SOX5: variants seen among roughly 807,000 people sequenced by gnomAD.
The protein encoded by SOX5 is transcription factor SOX-5.
Under a neutral mutation model 92.0 loss-of-function variants are expected in SOX5, and 9 were observed. The ratio of observed to expected loss-of-function variants is 0.10; its 90% CI spans 0.06 to 0.17. The LOEUF (loss-of-function observed/expected upper bound fraction) is 0.17. SOX5 is among the 10% of genes least tolerant of loss of function. The pLI is 1.00. For missense variants in SOX5, 642 were observed against 944.5 expected, an observed-to-expected ratio of 0.68 and a Z score of 4.20; for synonymous variants, 344 against 336.3, an observed-to-expected ratio of 1.02 and a Z score of -0.25.
At chr12:24,428,596 A>T (rs766428982) in intron 1 of SOX5, among the ~76,000 whole-genome samples, 9 of 151,796 alleles carry the variant, frequency 5.9e-5, no homozygotes, top group African/African-American at 2.2e-4. Context: ...ACAGAGTGAG[A>T]CCCTGTCTCC....
intron 4 of SOX5, among the ~76,000 whole-genome samples, chr12:24,038,103 A>G (rs1433383699): frequency 6.6e-6 from 1 of 152,210 alleles, no homozygotes; most frequent in East Asian, 1.9e-4. Context: ...TAAATCGTAC[A>G]GTTTCTAGAC....
intron 6 of SOX5, among the ~76,000 whole-genome samples, chr12:23,732,475 T>A (rs2093429015): frequency 1.5e-5 from 1 of 67,842 alleles, no homozygotes; most frequent in Non-Finnish European, 3.6e-5. Context: ...CTGGAAGCTG[T>A]GAAAATGAAT....
chr12:23,724,924 G>A (rs543490255), intron 6 of SOX5, among the ~76,000 whole-genome samples: 2 of 152,306 alleles, frequency 1.3e-5, no homozygotes, highest in East Asian at 3.9e-4. Context: ...AGGAAGTAGG[G>A]TGACCAACAT....
intron 3 of SOX5, among the ~76,000 whole-genome samples, chr12:24,242,752 T>C (rs901844998): frequency 2.6e-5 from 4 of 152,142 alleles, no homozygotes; most frequent in Non-Finnish European, 5.9e-5. Context: ...CAGATCCTCA[T>C]GTATAGTTAG....
At chr12:23,638,898 A>C (rs1390078928) in intron 8 of SOX5, among the ~76,000 whole-genome samples, 3 of 152,212 alleles carry the variant, frequency 2.0e-5, no homozygotes, top group Admixed American at 6.5e-5. Flanking sequence ...AAAAAAAAAA[A>C]AAACAACTTT....
At chr12:24,390,806 A>G (rs530478106) in intron 1 of SOX5, among the ~76,000 whole-genome samples, 1 of 152,246 alleles carries the variant, frequency 6.6e-6, no homozygotes, top group East Asian at 1.9e-4. Context: ...GTGTGTGTAT[A>G]TAAACCACAT....
At chr12:24,017,346 C>T (rs1409942787) in intron 4 of SOX5, among the ~76,000 whole-genome samples, 3 of 152,262 alleles carry the variant, frequency 2.0e-5, no homozygotes, top group African/African-American at 7.2e-5. Context: ...TGCCTGTAAT[C>T]TCAGCACTTT....
intron 2 of SOX5, among the ~76,000 whole-genome samples, chr12:24,346,040 C>G (rs1406703150): frequency 6.6e-6 from 1 of 152,228 alleles, no homozygotes; most frequent in Non-Finnish European, 1.5e-5. Flanking sequence ...TACACTTATA[C>G]TTCATCAACA....
intron 1 of SOX5, among the ~76,000 whole-genome samples, chr12:24,433,981 A>G (rs1169028803): frequency 6.6e-6 from 1 of 152,182 alleles, no homozygotes; most frequent in Non-Finnish European, 1.5e-5. Flanking sequence ...AAAAAGGCCA[A>G]TGGCATTGCC....
rs887631795 is a variant in SOX5 at position 23,530,645 on chromosome 12, T to G, written c.*3574A>C. 6.6e-6 allele frequency: 1 copy of G among 152,198 alleles called. No individual in the cohort carries two copies. Among genetic ancestry groups the G allele is most frequent in the African/African-American group, 2.4e-5 (1 of 41,440 alleles). The allele number at this position is 152,198 out of a possible 1,614,324, so 9.4% of individuals were successfully genotyped here. The stretch of plus-strand genomic sequence containing the variant: ...TATCCAATTGTGGTAAGTTAATCAC[T>G]AACTTATTATTAGTAACTATAAATG... On this transcript the variant is annotated 3_prime_UTR_variant, in exon 15 of 15. Transcript: ENST00000451604.
At chr12:23,748,734 G>A (rs576610960) in intron 4 of SOX5, among the ~76,000 whole-genome samples, 141 of 152,076 alleles carry the variant, frequency 9.3e-4, no homozygotes, top group African/African-American at 3.3e-3. Flanking sequence ...GACTACTAGT[G>A]TTACAATTTG....
At chr12:24,144,985 G>A (rs1024016081) in intron 4 of SOX5, among the ~76,000 whole-genome samples, 4 of 152,004 alleles carry the variant, frequency 2.6e-5, no homozygotes, top group African/African-American at 9.7e-5. Context: ...CAAGCTGCTT[G>A]GGAGGTGGAG....
At chr12:24,384,788 T>G (rs115183302) in intron 1 of SOX5, among the ~76,000 whole-genome samples, 1 of 152,168 alleles carries the variant, frequency 6.6e-6, no homozygotes, top group Admixed American at 6.5e-5. Flanking sequence ...CCTCAAAGTA[T>G]TGAGCTTAAA....
At chr12:23,911,657 G>T (rs1164867038) in intron 1 of SOX5, among the ~76,000 whole-genome samples, 3 of 152,066 alleles carry the variant, frequency 2.0e-5, no homozygotes, top group Admixed American at 2.0e-4. Context: ...ATGTGAGAGA[G>T]ACCTAAAGAT....
chr12:24,427,569 T>G (rs189977189), intron 1 of SOX5, among the ~76,000 whole-genome samples: 2 of 152,356 alleles, frequency 1.3e-5, no homozygotes, highest in African/African-American at 4.8e-5. Context: ...CTGTTTCTAT[T>G]CAGCATATGT....
chr12:24,034,434 G>A (rs1031165764), intron 4 of SOX5, among the ~76,000 whole-genome samples: 4 of 152,026 alleles, frequency 2.6e-5, no homozygotes, highest in African/African-American at 7.2e-5. Flanking sequence ...AATTAGTTCC[G>A]ACTGCCGTGC....
intron 6 of SOX5, among the ~76,000 whole-genome samples, chr12:23,669,358 G>GA (rs950265647): frequency 3.9e-5 from 6 of 151,946 alleles, no homozygotes; most frequent in Non-Finnish European, 7.4e-5. Flanking sequence ...ACAGGGGCAA[G>GA]AAAAAAACAT....
intron 2 of SOX5, among the ~76,000 whole-genome samples, chr12:23,867,405 G>A (rs1480623382): frequency 2.0e-5 from 3 of 152,018 alleles, no homozygotes; most frequent in Non-Finnish European, 4.4e-5. Context: ...TTTGATCTTA[G>A]GCAAGTCTCT....
At chr12:24,211,807 G>A (rs146666482) in intron 4 of SOX5, among the ~76,000 whole-genome samples, 3 of 152,290 alleles carry the variant, frequency 2.0e-5, no homozygotes, top group African/African-American at 7.2e-5. Context: ...AGACTACAGG[G>A]ATCTATGAGA....
Sources: allele counts gnomAD v4.1 joint callset (sites outside exome capture counted in the v4.1 genomes callset), GRCh38; gene constraint gnomAD v4.1.1; transcripts MANE v1.5; gene names NCBI Gene and HGNC (gene_info 2026-07-23, HGNC 2026-07-21).